PCNX1: variants seen among roughly 807,000 people sequenced by gnomAD.
PCNX1 encodes the protein pecanex-like protein 1.
Under a neutral mutation model 242.2 loss-of-function variants are expected in PCNX1, and 78 were observed. The observed-to-expected ratio is 0.32, with a 90% confidence interval of 0.27 to 0.39. The LOEUF (loss-of-function observed/expected upper bound fraction) is 0.39. Ranked by LOEUF, PCNX1 falls within the 10% of genes least tolerant of loss-of-function variation. PCNX1 has a pLI of 1.00. For synonymous variants in PCNX1, 1,024 were observed against 1,032.9 expected (o/e 0.99, Z 0.17); for missense variants, 2,581 against 2,856.5 (o/e 0.90, Z 2.20).
intron 25 of PCNX1, among the ~76,000 whole-genome samples, chr14:71,057,081 T>A (rs944534661): frequency 3.9e-5 from 6 of 152,226 alleles, no homozygotes; most frequent in Admixed American, 6.5e-5. Context: ...TTCTTTTTGA[T>A]TGTCTTATTT....
intron 16 of PCNX1, among the ~76,000 whole-genome samples, chr14:71,029,753 G>A (rs2060331863): frequency 2.0e-5 from 3 of 152,200 alleles, no homozygotes; most frequent in Non-Finnish European, 4.4e-5. Flanking sequence ...GTTGTGTAGA[G>A]GAAATGGCAA....
At chr14:70,911,716 A>G (rs968443595) in intron 1 of PCNX1, among the ~76,000 whole-genome samples, 1 of 152,152 alleles carries the variant, frequency 6.6e-6, no homozygotes, top group Non-Finnish European at 1.5e-5. Flanking sequence ...GAGATATTTC[A>G]TGGGTGTTTT....
At chr14:70,985,505 C>T (rs1417977089) in intron 6 of PCNX1, among the ~76,000 whole-genome samples, 4 of 152,184 alleles carry the variant, frequency 2.6e-5, no homozygotes, top group African/African-American at 7.2e-5. Context: ...TGAGCCACTG[C>T]GCCAGGCCTG....
chr14:71,097,277 G>C (rs2062316415), intron 30 of PCNX1, among the ~76,000 whole-genome samples: 1 of 152,172 alleles, frequency 6.6e-6, no homozygotes, highest in Admixed American at 6.5e-5. Flanking sequence ...ATGAACGTAA[G>C]AATGTATGTG....
intron 1 of PCNX1, among the ~76,000 whole-genome samples, chr14:70,925,563 C>G (rs902928685): frequency 6.9e-6 from 1 of 145,628 alleles, no homozygotes; most frequent in African/African-American, 2.6e-5. Flanking sequence ...TCTCACTTAC[C>G]TCATCTTTTT....
At chr14:71,046,406 G>GT (rs973194059) in intron 20 of PCNX1, among the ~76,000 whole-genome samples, 15 of 149,280 alleles carry the variant, frequency 1.0e-4, no homozygotes, top group South Asian at 8.5e-4. Context: ...CAGCAAAGTT[G>GT]TTTTTTTTTC....
At chr14:70,949,120 GTATA>G (rs1379563427) in intron 2 of PCNX1, among the ~76,000 whole-genome samples, 1 of 134,584 alleles carries the variant, frequency 7.4e-6, no homozygotes, top group African/African-American at 2.6e-5. Context: ...ACGTATATGT[GTATA>G]TATGTACATA....
chr14:71,114,483 TA>T lies in PCNX1; in HGVS notation c.*4549del, dbSNP rs1418569279. On this transcript the variant is annotated 3_prime_UTR_variant, in exon 36 of 36. Transcript: ENST00000304743. ...CCAGAGTCATCTGTCAAGAATTATG[TA>T]TAACAATTTATCTTTATTGCCTACA... is the stretch of plus-strand genomic sequence containing the variant. The T allele has an allele frequency of 6.6e-6, 1 of 152,530 alleles. No homozygotes were observed. Among genetic ancestry groups the T allele is most frequent in the Non-Finnish European group, 1.5e-5 (1 of 68,046 alleles). 9.4% of individuals were successfully genotyped at this position (152,530 alleles called of 1,614,324 possible). A position where few individuals can be genotyped will look rare whatever the true frequency, so the allele number is the denominator to read the frequency against.
At chr14:71,041,253 CTG>C (rs1566736649) in intron 19 of PCNX1, among the ~76,000 whole-genome samples, 2 of 152,122 alleles carry the variant, frequency 1.3e-5, no homozygotes, top group Non-Finnish European at 2.9e-5. Context: ...AACTTCCAAA[CTG>C]TTCTCCGTAG....
intron 28 of PCNX1, among the ~76,000 whole-genome samples, chr14:71,084,882 G>C (rs2061945200): frequency 6.6e-6 from 1 of 152,184 alleles, no homozygotes; most frequent in Admixed American, 6.5e-5. Flanking sequence ...CATTCCAGGC[G>C]CCACTGGGGT....
chr14:71,050,544 C>G (rs756545231), intron 22 of PCNX1, 108 bp from the exon 23 acceptor site: 20 of 937,164 alleles, frequency 2.1e-5, no homozygotes, highest in Non-Finnish European at 3.1e-5. Flanking sequence ...TGCCATTTCC[C>G]TATTAGGAGA....
At chr14:70,921,443 G>A (rs923695738) in intron 1 of PCNX1, among the ~76,000 whole-genome samples, 1 of 152,044 alleles carries the variant, frequency 6.6e-6, no homozygotes, top group Non-Finnish European at 1.5e-5. Flanking sequence ...AACATGCCAG[G>A]CTAATTTTTG....
rs115844630 is a variant in PCNX1 at position 71,073,018 on chromosome 14, C to T, written c.4853-527C>T. On this transcript the variant is annotated intron_variant, in intron 26 of 35. Coordinates refer to ENST00000304743, the MANE Select transcript of PCNX1 (RefSeq NM_014982.3). ...ACTTTACCACACGAATTATCAGACC[C>T]GTAGTGTGAGTGCGGTGGCTCATGC... 8.5e-3 allele frequency among the ~76,000 whole-genome samples: 1,297 copies of T among 152,266 alleles called. 21 individuals are homozygous for T. Among genetic ancestry groups the T allele is most frequent in the African/African-American group, 0.03 (1,248 of 41,556 alleles).
chr14:70,952,942 T>C (rs545259155), intron 2 of PCNX1, among the ~76,000 whole-genome samples: 1 of 152,238 alleles, frequency 6.6e-6, no homozygotes, highest in South Asian at 2.1e-4. Flanking sequence ...TTAAAAATTT[T>C]CCATTCACTT....
intron 15 of PCNX1, 117 bp downstream of exon 15, chr14:71,026,999 A>G (rs1267281815): frequency 1.9e-6 from 1 of 521,450 alleles, no homozygotes; most frequent in East Asian, 3.3e-5. Flanking sequence ...AATTAGAAAA[A>G]AAAAAGACAT....
chr14:71,045,329 TC>T, intron 20 of PCNX1, 46 bp downstream of exon 20: 1 of 1,367,802 alleles, frequency 7.3e-7, no homozygotes, highest in Non-Finnish European at 1.0e-6. Flanking sequence ...TATGAGTTTT[TC>T]CCTTTGCTAT....
intron 1 of PCNX1, among the ~76,000 whole-genome samples, chr14:70,932,567 A>G (rs2056842956): frequency 6.6e-6 from 1 of 151,600 alleles, no homozygotes; most frequent in South Asian, 2.1e-4. Flanking sequence ...TGACATGTCT[A>G]TTGAAGTTTT....
At chr14:71,088,150 C>T (rs1214575875) in intron 28 of PCNX1, among the ~76,000 whole-genome samples, 180 bp from the exon 29 acceptor site, 1 of 151,856 alleles carries the variant, frequency 6.6e-6, no homozygotes, top group Non-Finnish European at 1.5e-5. Flanking sequence ...TTAAGGATTC[C>T]AAAGAAACTC....
intron 16 of PCNX1, chr14:71,032,002 T>G (rs1178422033): frequency 9.6e-7 from 1 of 1,037,970 alleles, no homozygotes; most frequent in African/African-American, 1.5e-5. Context: ...CAAGAAAGAA[T>G]TCAAGACACG....
Sources: gnomAD v4.1 joint callset for allele counts (sites outside exome capture counted in the v4.1 genomes callset) on GRCh38, gnomAD v4.1.1 for gene constraint, MANE v1.5 for transcripts, NCBI Gene and HGNC (gene_info 2026-07-23, HGNC 2026-07-21) for gene names.